Variants in BICRA observed in about 807,000 individuals in gnomAD.
BICRA encodes the protein BRD4-interacting chromatin-remodeling complex-associated protein.
A neutral mutation model predicts 96.9 loss-of-function variants in BICRA; 31 were observed. That is an observed-to-expected ratio of 0.32 (90% CI 0.24 to 0.43). The LOEUF (loss-of-function observed/expected upper bound fraction) is 0.43, where lower values mean the gene tolerates loss of function less well. Among genes scored for constraint, BICRA ranks in the 20% least tolerant of loss-of-function variants. The probability of loss-of-function intolerance (pLI) is 1.00; values close to 1 mark genes in which losing one functional copy is unlikely to be tolerated. For synonymous variants in BICRA, 1,350 were observed against 1,071.8 expected (o/e 1.26, Z -5.07); for missense variants, 2,283 against 2,190.3 (o/e 1.04, Z -0.84).
At chr19:47,697,615 T>A (rs1973367798) in intron 11 of BICRA, among the ~76,000 whole-genome samples, 1 of 152,018 alleles carries the variant, frequency 6.6e-6, no homozygotes, top group Non-Finnish European at 1.5e-5. Flanking sequence ...GTAGCTGAGA[T>A]TACAGGTGCA....
chr19:47,680,626 C>A lies in BICRA; in HGVS notation c.1456C>A (p.Leu486Ile). ...GAPAVQLPQQ[L>I]SALPANVGGQ... Reference sequence around the variant, plus strand: ...CCCGGCGGTCCAGCTCCCGCAGCAGCTCTCAGCCCTGCCGGCCAACGTGGG... The same window carrying A: ...CCCGGCGGTCCAGCTCCCGCAGCAGATCTCAGCCCTGCCGGCCAACGTGGG... Residue 486 changes from leucine to isoleucine, a missense_variant, in exon 6 of 15, where the codon CTC becomes ATC. Leu to Ile is a conservative substitution (Grantham distance 5). Coordinates refer to ENST00000594866, the MANE Select transcript of BICRA (RefSeq NM_001394372.1). 1 of 1,610,286 alleles carries A rather than the reference C, an allele frequency of 6.2e-7. No individual in the cohort carries two copies. The highest frequency in any genetic ancestry group is 8.5e-7 in the Non-Finnish European group (1 of 1,178,642).
intron 2 of BICRA, among the ~76,000 whole-genome samples, chr19:47,671,381 A>G (rs1049849510): frequency 1.3e-5 from 2 of 152,174 alleles, no homozygotes; most frequent in Non-Finnish European, 2.9e-5. Flanking sequence ...CAGTTGTCAC[A>G]TCGTCAGTGA....
chr19:47,691,716 G>A (rs373420306), intron 7 of BICRA, among the ~76,000 whole-genome samples: 3 of 151,744 alleles, frequency 2.0e-5, no homozygotes, highest in African/African-American at 7.3e-5. Flanking sequence ...GGCACACATC[G>A]CACCCTGCTA....
At chr19:47,621,674 A>G (rs1281713457) in intron 1 of BICRA, among the ~76,000 whole-genome samples, 1 of 151,864 alleles carries the variant, frequency 6.6e-6, no homozygotes, top group Non-Finnish European at 1.5e-5. Context: ...GGGTTTCACC[A>G]TGTCAGGCTG....
At chr19:47,653,640 C>A (rs1972572584) in intron 1 of BICRA, among the ~76,000 whole-genome samples, 1 of 152,180 alleles carries the variant, frequency 6.6e-6, no homozygotes, top group African/African-American at 2.4e-5. Flanking sequence ...GCTCCCTTCA[C>A]TTGGTGTCAT....
In BICRA at chr19:47,694,953, G is replaced by A. The variant is rs544827393; in HGVS notation, c.2949G>A (p.Pro983=). Residue 983 remains proline (P), a synonymous_variant, in exon 9 of 15, where the codon CCG becomes CCA. Coordinates refer to ENST00000594866, the MANE Select transcript of BICRA (RefSeq NM_001394372.1). Reference sequence around the variant, plus strand: ...AGGCTGGGGGGGCCCCTGCCGCCCCGCAGACCTCCACCAGCCTGGGGCCCC... The same window carrying A: ...AGGCTGGGGGGGCCCCTGCCGCCCCACAGACCTCCACCAGCCTGGGGCCCC... ...QNKAGGAPAA[P]QTSTSLGPLT... 1.1e-5 allele frequency: 17 copies of A among 1,545,240 alleles called. No individual in the cohort carries two copies. Among genetic ancestry groups the A allele is most frequent in the Middle Eastern group, 1.7e-4 (1 of 5,796 alleles).
At chr19:47,657,916 T>A (rs1344389185) in intron 1 of BICRA, among the ~76,000 whole-genome samples, 6 of 93,244 alleles carry the variant, frequency 6.4e-5, no homozygotes, top group African/African-American at 1.3e-4. Context: ...GTCCCTCTTA[T>A]ACTCTCTCTC....
chr19:47,616,508 G>A (rs1346015137), intron 1 of BICRA, among the ~76,000 whole-genome samples: 1 of 152,008 alleles, frequency 6.6e-6, no homozygotes, highest in Non-Finnish European at 1.5e-5. Flanking sequence ...GCGTGGTGGC[G>A]CATGCTTGTA....
intron 1 of BICRA, among the ~76,000 whole-genome samples, chr19:47,658,773 C>T (rs1439647192): frequency 6.6e-6 from 1 of 152,132 alleles, no homozygotes; most frequent in African/African-American, 2.4e-5. Context: ...TGCCGATTCC[C>T]AGATTCTCAA....
rs565827701 is a variant in BICRA, at chr19:47,678,556, AC to A, written c.151-763del. Among the ~76,000 whole-genome samples the A allele has an allele frequency of 9.8e-4, 149 of 152,252 alleles. 1 individual carries two copies. Among genetic ancestry groups the A allele is most frequent in the African/African-American group, 3.5e-3 (144 of 41,558 alleles). On this transcript the variant is annotated intron_variant, in intron 5 of 14. Transcript: ENST00000594866. The stretch of plus-strand genomic sequence containing the variant: ...TGGTGACAAGCTGAGGCCTGGGGCC[AC>A]CACCAGCGGCTTTCCTGAGGGTGCC...
intron 7 of BICRA, among the ~76,000 whole-genome samples, chr19:47,693,686 C>T (rs930544141): frequency 5.9e-5 from 9 of 152,204 alleles, no homozygotes; most frequent in Non-Finnish European, 8.8e-5. Context: ...CCTCCTTCCC[C>T]GCTGCTGTGC....
chr19:47,694,432 G>A lies in BICRA; in HGVS notation c.2601G>A (p.Gln867=). 1 of 878,326 alleles carries A rather than the reference G, an allele frequency of 1.1e-6. No individual in the cohort carries two copies. The highest frequency in any genetic ancestry group is 1.7e-6 in the Non-Finnish European group (1 of 592,176). The allele number at this position is 878,326 out of a possible 1,614,324, so 54.4% of individuals were successfully genotyped here. ...PPQPPLRPQS[Q]PPEGPLPPAP... The stretch of plus-strand genomic sequence containing the variant: ...AGCCGCCTCTCCGCCCCCAGTCCCA[G>A]CCGCCTGAGGGACCGCTGCCCCCAG... The change falls in exon 8 of 15, where the codon CAG becomes CAA. Residue 867 remains glutamine (Q), a synonymous_variant. Transcript: ENST00000594866.
At position 47,702,075 on chromosome 19, in the gene BICRA, C is replaced by T. The variant is rs1404402525; in HGVS notation, c.4343C>T (p.Pro1448Leu). Residue 1448 changes from proline to leucine, a missense_variant, in exon 15 of 15, where the codon CCG (proline) becomes CTG (leucine). Transcript: ENST00000594866. The part of the protein sequence containing the change: ...ELYQRMLKGP[P>L]PEPAASAAQG... ...TACCAGCGTATGCTGAAGGGCCCCC[C>T]GCCAGAGCCCGCAGCCAGCGCCGCC... The T allele has an allele frequency of 7.9e-6, 12 of 1,511,722 alleles. No individual in the cohort carries two copies. Among genetic ancestry groups the T allele is most frequent in the East Asian group, 2.6e-5 (1 of 38,414 alleles). 93.6% of individuals were successfully genotyped at this position (1,511,722 alleles called of 1,614,324 possible). A position where few individuals can be genotyped will look rare whatever the true frequency, so the allele number is the denominator to read the frequency against.
rs755965607 is a variant in BICRA, at chr19:47,698,712, C to T, written c.3327C>T (p.Asp1109=). 16 of 1,602,646 alleles carry T rather than the reference C, an allele frequency of 1.0e-5. No homozygotes were observed. The highest frequency in any genetic ancestry group is 4.0e-5 in the African/African-American group (3 of 74,628). The change falls in exon 12 of 15, where the codon GAC becomes GAT. Residue 1109 remains aspartate, a synonymous_variant. Transcript: ENST00000594866. The surrounding 1 kb of genome is among the most constrained non-coding windows in gnomAD (Gnocchi z 4.8). The part of the protein sequence containing the change: ...DYKTAFPSFE[D]ALHRLLPYHV... ...AGACGGCCTTCCCCTCCTTTGAGGA[C>T]GCCCTGCATCGCCTCCTGCCCTACC...
At chr19:47,670,130 T>G (rs779005497) in intron 1 of BICRA, among the ~76,000 whole-genome samples, 21 of 151,670 alleles carry the variant, frequency 1.4e-4, no homozygotes, top group Non-Finnish European at 2.4e-4. Context: ...ACTTTCTTTT[T>G]GTAGAGACAA....
intron 1 of BICRA, chr19:47,615,599 A>C (rs984236097): frequency 1.0e-5 from 1 of 99,308 alleles, no homozygotes; most frequent in African/African-American, 3.1e-5. Context: ...GGTTCATATC[A>C]GTACCTACTT....
At chr19:47,665,537 A>T (rs1199101592) in intron 1 of BICRA, among the ~76,000 whole-genome samples, 1 of 151,830 alleles carries the variant, frequency 6.6e-6, no homozygotes, top group African/African-American at 2.4e-5. Context: ...TGGCACGATC[A>T]CAGCTCACTG....
rs1307095738 is a variant in BICRA, at chr19:47,685,957, T to G, written c.2283+3805T>G. ...CCGGGATAAGAATTTGTTTTTTTTT[T>G]TTTTTCTCTGTCACCCAGGCTGGAG... On this transcript the variant is annotated intron_variant, in intron 7 of 14. Coordinates refer to ENST00000594866, the MANE Select transcript of BICRA (RefSeq NM_001394372.1). 5.3e-5 allele frequency among the ~76,000 whole-genome samples: 8 copies of G among 151,846 alleles called. No homozygotes were observed. The East Asian group carries it at 1.4e-3, about 26-fold the overall frequency.
chr19:47,639,715 C>T (rs1972356853), intron 1 of BICRA, among the ~76,000 whole-genome samples: 1 of 147,698 alleles, frequency 6.8e-6, no homozygotes, highest in African/African-American at 2.5e-5. Flanking sequence ...CATCATGACT[C>T]ATTGCAACCT....
Sources: allele counts gnomAD v4.1 joint callset (sites outside exome capture counted in the v4.1 genomes callset), GRCh38; gene constraint gnomAD v4.1.1; non-coding constraint Gnocchi (gnomAD v3.1); transcripts MANE v1.5; gene names NCBI Gene and HGNC (gene_info 2026-07-23, HGNC 2026-07-21).